SGCE: variants seen among roughly 807,000 people sequenced by gnomAD.
SGCE encodes the protein epsilon-sarcoglycan.
A neutral mutation model predicts 57.8 loss-of-function variants in SGCE; 26 were observed. The ratio of observed to expected loss-of-function variants is 0.45; its 90% CI spans 0.33 to 0.62. The LOEUF is 0.62. SGCE is among the 20% of genes least tolerant of loss of function. The pLI, the probability that SGCE is intolerant of heterozygous loss-of-function variation, is 0.02. For synonymous variants in SGCE, 183 were observed against 189.5 expected (o/e 0.97, Z 0.28); for missense variants, 468 against 548.6 (o/e 0.85, Z 1.47).
intron 1 of SGCE, among the ~76,000 whole-genome samples, chr7:94,646,063 C>CA (rs2117072255): frequency 6.6e-6 from 1 of 152,298 alleles, no homozygotes; most frequent in Non-Finnish European, 1.5e-5. Context: ...AACTCCACTA[C>CA]ACTCGTTGTC....
intron 9 of SGCE, chr7:94,590,388 C>G (rs558484826): frequency 6.6e-6 from 1 of 152,184 alleles, no homozygotes; most frequent in African/African-American, 2.4e-5. Context: ...TCATTGTATT[C>G]TCTGTATATA....
chr7:94,634,920 G>T (rs964824479), intron 1 of SGCE, among the ~76,000 whole-genome samples: 1 of 152,124 alleles, frequency 6.6e-6, no homozygotes, highest in Non-Finnish European at 1.5e-5. Flanking sequence ...AATAAAAAAT[G>T]GATTGAATGC....
In SGCE at chr7:94,591,521, A is replaced by G. The variant is rs1294805988; in HGVS notation, c.1254-2789T>C. On this transcript the variant is annotated intron_variant, in intron 9 of 10. Transcript: ENST00000648936. Reference sequence around the variant, plus strand: ...AGAAAATATAGAATGTAGGTGTTCTAACATAGGTAGTGGTTAGTAAACAAA... The same window carrying G: ...AGAAAATATAGAATGTAGGTGTTCTGACATAGGTAGTGGTTAGTAAACAAA... 3.3e-5 allele frequency among the ~76,000 whole-genome samples: 5 copies of G among 152,210 alleles called. No homozygotes were observed. The South Asian group carries it at 6.2e-4, about 19-fold the overall frequency.
At chr7:94,638,875 T>C (rs1805981723) in intron 1 of SGCE, among the ~76,000 whole-genome samples, 1 of 152,132 alleles carries the variant, frequency 6.6e-6, no homozygotes, top group Non-Finnish European at 1.5e-5. Flanking sequence ...TGCCACTAAG[T>C]AATAGCAAAA....
chr7:94,642,897 CA>C (rs1190943715), intron 1 of SGCE, among the ~76,000 whole-genome samples: 3 of 152,186 alleles, frequency 2.0e-5, no homozygotes, highest in Admixed American at 2.0e-4. Flanking sequence ...TCAATCCTTA[CA>C]AAACCAAATC....
chr7:94,624,160 C>T (rs1803311386), intron 3 of SGCE: 1 of 314,174 alleles, frequency 3.2e-6, no homozygotes, highest in Non-Finnish European at 5.2e-6. Context: ...TCTGCAGTAC[C>T]TCAAAAAAAA....
In SGCE at chr7:94,585,494, T is replaced by C; in HGVS notation, c.*5A>G. The C allele has an allele frequency of 6.2e-7, 1 of 1,606,930 alleles. No individual in the cohort carries two copies. The highest frequency in any genetic ancestry group is 8.5e-7 in the Non-Finnish European group (1 of 1,173,582). Reference sequence around the variant, plus strand: ...AAATTCATTGCTTCAGTCAGTTTTCTTTCTTCAGGGATACCATTTACCTGC... The same window carrying C: ...AAATTCATTGCTTCAGTCAGTTTTCCTTCTTCAGGGATACCATTTACCTGC... On this transcript the variant is annotated 3_prime_UTR_variant, in exon 11 of 11. Coordinates refer to ENST00000648936, the MANE Select transcript of SGCE (RefSeq NM_003919.3).
chr7:94,628,680 T>C, intron 2 of SGCE: 1 of 334,516 alleles, frequency 3.0e-6, no homozygotes, highest in Non-Finnish European at 5.6e-6. Flanking sequence ...TCCCTAATCA[T>C]GCTAATGTAC....
intron 1 of SGCE, chr7:94,639,380 A>G (rs1369205679): frequency 6.5e-7 from 1 of 1,535,616 alleles, no homozygotes. Context: ...CTGATAATAA[A>G]ATTGTTGGCC....
intron 10 of SGCE, chr7:94,587,823 C>T (rs180828175): frequency 1.9e-5 from 29 of 1,540,638 alleles, no homozygotes; most frequent in African/African-American, 1.8e-4. Context: ...CTTAAATTCA[C>T]GAAAGCAGTA....
chr7:94,645,166 A>G (rs1347070166), intron 1 of SGCE, among the ~76,000 whole-genome samples: 1 of 152,216 alleles, frequency 6.6e-6, no homozygotes, highest in East Asian at 1.9e-4. Flanking sequence ...CCCCAAATAC[A>G]GTCATGCATT....
At position 94,600,904 on chromosome 7, in the gene SGCE, A is replaced by G. The variant is rs1416593227; in HGVS notation, c.826-47T>C. The G allele has an allele frequency of 6.2e-6, 9 of 1,459,048 alleles. No individual in the cohort carries two copies. In the Admixed American group the frequency reaches 1.3e-4, roughly 21 times the overall value. The allele number at this position is 1,459,048 out of a possible 1,614,324, so 90.4% of individuals were successfully genotyped here. On this transcript the variant is annotated intron_variant, in intron 6 of 10. Transcript: ENST00000648936. ...ACACAACAAATTAATCGTTGCAAAC[A>G]TTATGAGATTTTAAGATCTGGATAC...
intron 5 of SGCE, among the ~76,000 whole-genome samples, chr7:94,605,392 T>TTAACA (rs1161977263): frequency 6.6e-6 from 1 of 152,202 alleles, no homozygotes; most frequent in Non-Finnish European, 1.5e-5. Context: ...TTTATTTTTC[T>TTAACA]TAATTGATCT....
rs1420120648 is a variant in SGCE, at chr7:94,639,413, T to C, written c.110-9572A>G. 4 of 1,535,152 alleles carry C rather than the reference T, an allele frequency of 2.6e-6. 1 individual carries two copies. The highest frequency in any genetic ancestry group is 2.4e-5 in the East Asian group (1 of 40,892). ...GCCTGTCTGGTCTTCCAGTTAACTG[T>C]TCCATTTATGCCATCAGCACAGCTT... On this transcript the variant is annotated intron_variant, in intron 1 of 10. Transcript: ENST00000648936.
intron 1 of SGCE, among the ~76,000 whole-genome samples, chr7:94,648,224 A>C (rs1176980571): frequency 6.6e-6 from 1 of 151,870 alleles, no homozygotes; most frequent in Non-Finnish European, 1.5e-5. Flanking sequence ...AATACAAAAA[A>C]ATTAGCTGGG....
chr7:94,613,854 A>G, intron 5 of SGCE, among the ~76,000 whole-genome samples: 1 of 152,172 alleles, frequency 6.6e-6, no homozygotes, highest in African/African-American at 2.4e-5. Context: ...AAGCAGCAGC[A>G]CAAAACTTCC....
Position 94,618,922 on chromosome 7 carries a change from A to G in SGCE, c.498T>C (p.Ile166=). 2 of 1,613,900 alleles carry G rather than the reference A, an allele frequency of 1.2e-6. No individual in the cohort carries two copies. The highest frequency in any genetic ancestry group is 8.5e-7 in the Non-Finnish European group (1 of 1,179,848). The change falls in exon 5 of 11, where the codon ATT becomes ATC. Residue 166 remains isoleucine, a synonymous_variant. Coordinates refer to ENST00000648936, the MANE Select transcript of SGCE (RefSeq NM_003919.3). Reference sequence around the variant, plus strand: ...ACATTTCTTCTACATTCATATTCTTAATGAAGAATTCTGCTTGATATGGCA... The same window carrying G: ...ACATTTCTTCTACATTCATATTCTTGATGAAGAATTCTGCTTGATATGGCA... ...FPLPYQAEFF[I]KNMNVEEMLA... is the part of the protein sequence containing the mutation.
intron 3 of SGCE, chr7:94,624,942 T>C (rs1375296653): frequency 6.6e-6 from 1 of 151,988 alleles, no homozygotes; most frequent in Non-Finnish European, 1.5e-5. Flanking sequence ...AAGAATTTTA[T>C]TACCTGATTT....
rs764383967 is a variant in SGCE at position 94,600,654 on chromosome 7, C to A, written c.1029G>T (p.Arg343=). Residue 343 remains arginine (R), a synonymous_variant, in exon 7 of 11, where the codon CGG becomes CGT. Transcript: ENST00000648936. Reference sequence around the variant, plus strand: ...AGTTTTAAAGTACTCACACGCCTTCCCGTCGGCAGCACATGATATAAGCAA... The same window carrying A: ...AGTTTTAAAGTACTCACACGCCTTCACGTCGGCAGCACATGATATAAGCAA... The part of the protein sequence containing the change: ...LILAYIMCCR[R]EGVEKRNMQT... 2.5e-6 allele frequency: 4 copies of A among 1,612,252 alleles called. 1 individual carries two copies. The South Asian group carries it at 4.4e-5, about 18-fold the overall frequency.
Sources: allele counts gnomAD v4.1 joint callset (sites outside exome capture counted in the v4.1 genomes callset), GRCh38; gene constraint gnomAD v4.1.1; transcripts MANE v1.5; gene names NCBI Gene and HGNC (gene_info 2026-07-23, HGNC 2026-07-21).